PEAK1: variants seen among roughly 807,000 people sequenced by gnomAD.
PEAK1 encodes the protein pseudopodium enriched atypical kinase 1, also known as inactive tyrosine-protein kinase PEAK1.
PEAK1 carries 54 observed loss-of-function variants against 124.7 expected under a neutral mutation model. The observed-to-expected ratio is 0.43, with a 90% CI of 0.35 to 0.54. The LOEUF (loss-of-function observed/expected upper bound fraction) is 0.54. PEAK1 is among the 20% of genes least tolerant of loss of function. PEAK1 has a pLI of 0.01. For missense variants in PEAK1, 2,046 were observed against 2,134.5 expected, an observed-to-expected ratio of 0.96 and a Z score of 0.82; for synonymous variants, 719 against 760.0, an observed-to-expected ratio of 0.95 and a Z score of 0.89.
rs547652635 is a variant in PEAK1, at chr15:77,385,060, T to C, written c.-665-19835A>G. Among the ~76,000 whole-genome samples, 3 of 152,328 alleles carry C rather than the reference T, an allele frequency of 2.0e-5. No homozygotes were observed. The East Asian group carries it at 5.8e-4, about 29-fold the overall frequency. On this transcript the variant is annotated intron_variant, in intron 1 of 9. Transcript: ENST00000682557. Reference sequence around the variant, plus strand: ...ATATTTATACTACTTGGAACCCATGTATAAGATACTTTCCTGAAATACTGA... The same window carrying C: ...ATATTTATACTACTTGGAACCCATGCATAAGATACTTTCCTGAAATACTGA...
At chr15:77,100,746 T>G (rs890005626) in exon 7 of PEAK1, 4 of 130,390 alleles carry the variant, frequency 3.1e-5, no homozygotes, top group African/African-American at 1.0e-4. Flanking sequence ...CTAATTAAAC[T>G]GAGAGAAGCC....
chr15:77,301,041 TG>T (rs1396313048), intron 2 of PEAK1, among the ~76,000 whole-genome samples: 2 of 151,978 alleles, frequency 1.3e-5, no homozygotes, highest in African/African-American at 4.8e-5. Flanking sequence ...TTAGTAGAGA[TG>T]GGGTTTTGCC....
chr15:77,188,577 C>T (rs1254872864), intron 6 of PEAK1, among the ~76,000 whole-genome samples: 1 of 152,116 alleles, frequency 6.6e-6, no homozygotes, highest in African/African-American at 2.4e-5. Context: ...ACAGCCAAGA[C>T]TCCATAGTCT....
In PEAK1 at chr15:77,394,268, T is replaced by C. The variant is rs1417740449; in HGVS notation, c.-666+25738A>G. 2.0e-5 allele frequency among the ~76,000 whole-genome samples: 3 copies of C among 152,260 alleles called. No homozygotes were observed. The East Asian group carries it at 5.8e-4, about 29-fold the overall frequency. ...CTATCTGCTGATTGTAGAGTTCTAG[T>C]ATCTTGAGCAAACATAGGCAATAGG... On this transcript the variant is annotated intron_variant, in intron 1 of 9. Coordinates refer to ENST00000682557, the MANE Select transcript of PEAK1 (RefSeq NM_001385026.1).
chr15:77,401,699 T>G (rs1006163579), intron 1 of PEAK1: 21 of 984,766 alleles, frequency 2.1e-5, no homozygotes, highest in Non-Finnish European at 2.3e-5. Context: ...CAGAGCATAA[T>G]GTCAAATGCA....
chr15:77,123,525 T>C (rs150990410), intron 9 of PEAK1, among the ~76,000 whole-genome samples: 2,063 of 152,296 alleles, frequency 0.014, 32 homozygotes, highest in African/African-American at 0.043. Context: ...GGTGTCCCCA[T>C]GCAGAAGTGA....
At chr15:77,324,118 G>T (rs959931256) in intron 2 of PEAK1, among the ~76,000 whole-genome samples, 6 of 152,192 alleles carry the variant, frequency 3.9e-5, no homozygotes, top group African/African-American at 1.4e-4. Context: ...ATTTATCTCT[G>T]TACTCCTAAT....
At chr15:77,150,187 C>T (rs2054481964) in intron 8 of PEAK1, among the ~76,000 whole-genome samples, 1 of 152,056 alleles carries the variant, frequency 6.6e-6, no homozygotes, top group Non-Finnish European at 1.5e-5. Flanking sequence ...TCTGAAAGTA[C>T]ATGACTTCTT....
At chr15:77,336,924 G>C (rs546953181) in intron 2 of PEAK1, among the ~76,000 whole-genome samples, 3 of 150,900 alleles carry the variant, frequency 2.0e-5, no homozygotes, top group South Asian at 4.2e-4. Flanking sequence ...GGGATGTACA[G>C]ACCAAGGCCA....
At chr15:77,175,888 T>C (rs1458726986) in intron 7 of PEAK1, among the ~76,000 whole-genome samples, 1 of 152,046 alleles carries the variant, frequency 6.6e-6, no homozygotes, top group Non-Finnish European at 1.5e-5. Flanking sequence ...ATTAAGAAAA[T>C]GTGGCACATA....
intron 9 of PEAK1, among the ~76,000 whole-genome samples, chr15:77,126,597 T>C (rs556295794): frequency 1.3e-5 from 2 of 152,340 alleles, no homozygotes; most frequent in African/African-American, 4.8e-5. Context: ...CATTATTTTA[T>C]ATGTACTTTA....
chr15:77,166,995 C>T (rs892113346), intron 7 of PEAK1, among the ~76,000 whole-genome samples: 2 of 152,124 alleles, frequency 1.3e-5, no homozygotes, highest in Non-Finnish European at 2.9e-5. Context: ...GATTTAATAG[C>T]TTTGGGGCAT....
chr15:77,371,010 C>G (rs759847642), intron 1 of PEAK1: 104 of 814,438 alleles, frequency 1.3e-4, no homozygotes, highest in Admixed American at 5.6e-4. Context: ...AGCCTGGCAA[C>G]AGAGCAAGAC....
Position 77,405,296 on chromosome 15 carries a change from G to A in PEAK1, c.-666+14710C>T, listed in dbSNP as rs574200325. Among the ~76,000 whole-genome samples the A allele has an allele frequency of 1.6e-3, 237 of 152,074 alleles. 2 individuals are homozygous for A. Among genetic ancestry groups the A allele is most frequent in the Non-Finnish European group, 2.8e-3 (187 of 67,964 alleles). Reference sequence around the variant, plus strand: ...TGGGATTACAGGCGTGAGCCACCACGCCCGGCTGAGGTCAACTAGATATTA... The same window carrying A: ...TGGGATTACAGGCGTGAGCCACCACACCCGGCTGAGGTCAACTAGATATTA... On this transcript the variant is annotated intron_variant, in intron 1 of 9. Transcript: ENST00000682557.
chr15:77,384,777 T>C (rs1490360362), intron 1 of PEAK1, among the ~76,000 whole-genome samples: 3 of 152,226 alleles, frequency 2.0e-5, no homozygotes, highest in Non-Finnish European at 4.4e-5. Flanking sequence ...ATTCTCAGAC[T>C]AAGCCTGCCT....
At chr15:77,268,406 A>G (rs1195632249) in intron 5 of PEAK1, among the ~76,000 whole-genome samples, 1 of 151,970 alleles carries the variant, frequency 6.6e-6, no homozygotes, top group Non-Finnish European at 1.5e-5. Flanking sequence ...CCTGGGAGGC[A>G]GAGGACGCAG....
In PEAK1 at chr15:77,110,994, G is replaced by A. The variant is rs2050946210; in HGVS notation, c.*3162C>T. The A allele has an allele frequency of 6.6e-6, 1 of 152,184 alleles. No individual in the cohort carries two copies. The highest frequency in any genetic ancestry group is 2.1e-4 in the South Asian group (1 of 4,832). The allele number at this position is 152,184 out of a possible 1,614,324, so 9.4% of individuals were successfully genotyped here. A position where few individuals can be genotyped will look rare whatever the true frequency, so the allele number is the denominator to read the frequency against. ...CTGCTATACATTCAGTCTTGCTCTTGGCTACTTTAGCCACTGTTGTGTTTC... is the reference window on the plus strand; with the variant it reads ...CTGCTATACATTCAGTCTTGCTCTTAGCTACTTTAGCCACTGTTGTGTTTC... On this transcript the variant is annotated 3_prime_UTR_variant, in exon 10 of 10. Coordinates refer to ENST00000682557, the MANE Select transcript of PEAK1 (RefSeq NM_001385026.1).
intron 2 of PEAK1, chr15:77,345,943 T>A (rs1165581354): frequency 1.0e-6 from 1 of 985,070 alleles, no homozygotes. Flanking sequence ...TTATAGCACA[T>A]AGCAATGGCA....
At position 77,417,302 on chromosome 15, in the gene PEAK1, T is replaced by C. The variant is rs147146607; in HGVS notation, c.-666+2704A>G. 1.1e-3 allele frequency: 1,014 copies of C among 959,272 alleles called. 5 individuals are homozygous for C. In the African/African-American group the frequency reaches 0.016, roughly 15 times the overall value. The allele number at this position is 959,272 out of a possible 1,614,324, so 59.4% of individuals were successfully genotyped here. Reference sequence around the variant, plus strand: ...TGGCACTTAAAAGGTACTCAAACATTTGTCAAACAAATGTAAACTATCTAT... The same window carrying C: ...TGGCACTTAAAAGGTACTCAAACATCTGTCAAACAAATGTAAACTATCTAT... On this transcript the variant is annotated intron_variant, in intron 1 of 9. Coordinates refer to ENST00000682557, the MANE Select transcript of PEAK1 (RefSeq NM_001385026.1).
Sources: allele counts gnomAD v4.1 joint callset (sites outside exome capture counted in the v4.1 genomes callset), GRCh38; gene constraint gnomAD v4.1.1; transcripts MANE v1.5; gene names NCBI Gene and HGNC (gene_info 2026-07-23, HGNC 2026-07-21).